Variants in GAB3 observed in about 807,000 individuals in gnomAD.
GAB3 encodes GRB2-associated-binding protein 3.
A neutral mutation model predicts 40.4 loss-of-function variants in GAB3; 12 were observed. The observed-to-expected ratio is 0.30, with a 90% confidence interval of 0.19 to 0.48. The LOEUF (loss-of-function observed/expected upper bound fraction) is 0.48, where lower values mean the gene tolerates loss of function less well. GAB3 is among the 20% of genes least tolerant of loss of function. The pLI, the probability that GAB3 is intolerant of heterozygous loss-of-function variation, is 0.99. For missense variants in GAB3, 381 were observed against 461.9 expected (o/e 0.82, Z 1.61); for synonymous variants, 154 against 176.7 (o/e 0.87, Z 1.02).
At chrX:154,740,116 T>A (rs1352382552) in intron 1 of GAB3, among the ~76,000 whole-genome samples, 1 of 112,443 alleles carries the variant, frequency 8.9e-6, no homozygotes, top group Non-Finnish European at 1.9e-5. Flanking sequence ...ATTCAACTTC[T>A]AAGAGTTTTT....
At chrX:154,743,850 C>A (rs1217474081) in intron 1 of GAB3, among the ~76,000 whole-genome samples, 3 of 111,359 alleles carry the variant, frequency 2.7e-5, no homozygotes, top group Non-Finnish European at 5.7e-5. Flanking sequence ...TAACAGCTAG[C>A]AAGATGGTGT....
intron 1 of GAB3, among the ~76,000 whole-genome samples, chrX:154,725,296 C>T (rs182122444): frequency 2.6e-4 from 29 of 111,905 alleles, no homozygotes; most frequent in Admixed American, 2.3e-3. Flanking sequence ...CTTTATTATG[C>T]ATCTGAATCA....
chrX:154,726,574 A>C (rs1384900669), intron 1 of GAB3, among the ~76,000 whole-genome samples: 1 of 112,101 alleles, frequency 8.9e-6, no homozygotes, highest in Non-Finnish European at 1.9e-5. Context: ...ATGATGGTTT[A>C]CAAAATTATG....
chrX:154,695,142 C>T (rs1297868824), intron 8 of GAB3, among the ~76,000 whole-genome samples: 1 of 111,607 alleles, frequency 9.0e-6, no homozygotes, highest in East Asian at 2.8e-4. Flanking sequence ...TTCAAAATTT[C>T]GTAGTTCAAA....
chrX:154,687,088 T>A (rs1359834547), intron 8 of GAB3, among the ~76,000 whole-genome samples: 2 of 108,208 alleles, frequency 1.8e-5, no homozygotes, highest in Non-Finnish European at 3.8e-5. Flanking sequence ...GCTACTTGGG[T>A]GGCTAAGACA....
At chrX:154,710,354 TTATATTCCCAAAGGCAGGAGG>T (rs2070918652) in intron 4 of GAB3, among the ~76,000 whole-genome samples, 1 of 111,490 alleles carries the variant, frequency 9.0e-6, no homozygotes, top group Non-Finnish European at 1.9e-5. Context: ...AGAATAGCCA[TTATATTCCCAAAGGCAGGAGG>T]ACTTGTCCTA....
intron 8 of GAB3, among the ~76,000 whole-genome samples, chrX:154,681,452 G>T (rs1225816680): frequency 9.3e-6 from 1 of 107,267 alleles, no homozygotes; most frequent in African/African-American, 3.4e-5. Context: ...TTTTTGCCTT[G>T]TTTCTGGTTA....
chrX:154,698,511 C>A (rs1333213741), intron 6 of GAB3, among the ~76,000 whole-genome samples: 2 of 111,964 alleles, frequency 1.8e-5, no homozygotes, highest in Non-Finnish European at 3.8e-5. Context: ...CCTGAAGTGA[C>A]TTTTTTTGCT....
chrX:154,678,172 C>T lies in GAB3; in HGVS notation c.*6G>A. 9.6e-7 allele frequency: 1 copy of T among 1,046,714 alleles called. No homozygotes were observed. The highest frequency in any genetic ancestry group is 1.3e-6 in the Non-Finnish European group (1 of 751,245). The allele number at this position is 1,046,714 out of a possible 1,213,427, so 86.3% of individuals were successfully genotyped here. Reference sequence around the variant, plus strand: ...CTGTTTCACACATGGCACAAGCCCGCACCTCTCATACTTTGGATTGCCTTT... The same window carrying T: ...CTGTTTCACACATGGCACAAGCCCGTACCTCTCATACTTTGGATTGCCTTT... On this transcript the variant is annotated 3_prime_UTR_variant, in exon 10 of 10. Transcript: ENST00000424127.
At chrX:154,719,332 G>T (rs782647508) in intron 1 of GAB3, among the ~76,000 whole-genome samples, 2 of 112,298 alleles carry the variant, frequency 1.8e-5, no homozygotes, top group East Asian at 5.6e-4. Context: ...ATAAACAGAC[G>T]ATTGCAATCA....
intron 2 of GAB3, among the ~76,000 whole-genome samples, chrX:154,715,281 T>C (rs2071027707): frequency 8.9e-6 from 1 of 112,011 alleles, no homozygotes; most frequent in Non-Finnish European, 1.9e-5. Flanking sequence ...TCTCATATTT[T>C]GAGGAATAGG....
intron 8 of GAB3, among the ~76,000 whole-genome samples, chrX:154,695,545 A>G (rs1414572191): frequency 8.9e-6 from 1 of 112,052 alleles, no homozygotes; most frequent in Non-Finnish European, 1.9e-5. Context: ...ACCATGTAAT[A>G]TGTTGAGTTT....
intron 1 of GAB3, 74 bp downstream of exon 1, chrX:154,750,880 G>A: frequency 5.9e-6 from 4 of 674,104 alleles, no homozygotes; most frequent in Non-Finnish European, 7.1e-6. Flanking sequence ...GGAGCCCAGC[G>A]GCTCCCCGCG....
intron 4 of GAB3, among the ~76,000 whole-genome samples, chrX:154,700,898 G>C (rs181100188): frequency 9.0e-6 from 1 of 111,050 alleles, no homozygotes; most frequent in East Asian, 2.8e-4. Context: ...CTTAAAATTC[G>C]ACAACATCTT....
In GAB3 at chrX:154,712,589, G is replaced by A. The variant is rs782586548; in HGVS notation, c.709C>T (p.His237Tyr). ...GCTCCACTGCCATGGCATGAGGGGTGGACCAAATGACTGGAGGGGAGCGGC... is the reference window on the plus strand; with the variant it reads ...GCTCCACTGCCATGGCATGAGGGGTAGACCAAATGACTGGAGGGGAGCGGC... ...LQPLPSSHLV[H>Y]PSCHGSGAQE... Residue 237 changes from histidine to tyrosine, a missense_variant, in exon 4 of 10, where the codon CAC (histidine) becomes TAC (tyrosine). Coordinates refer to ENST00000424127, the MANE Select transcript of GAB3 (RefSeq NM_001081573.3). 4.4e-6 allele frequency: 5 copies of A among 1,145,622 alleles called. No individual in the cohort carries two copies. The Admixed American group carries it at 8.6e-5, about 20-fold the overall frequency. The allele number at this position is 1,145,622 out of a possible 1,213,427, so 94.4% of individuals were successfully genotyped here.
intron 1 of GAB3, among the ~76,000 whole-genome samples, chrX:154,743,199 AAAAAC>A (rs1189244380): frequency 3.6e-5 from 4 of 110,504 alleles, no homozygotes; most frequent in Non-Finnish European, 5.7e-5. Context: ...TGCTGAAAAG[AAAAAC>A]AAAACAAAAC....
chrX:154,710,557 T>C (rs2070926311), intron 4 of GAB3, among the ~76,000 whole-genome samples: 1 of 111,654 alleles, frequency 9.0e-6, no homozygotes, highest in African/African-American at 3.3e-5. Flanking sequence ...AGGACAGCCT[T>C]GCAGGGTCAT....
rs150729618 is a variant in GAB3 at position 154,678,398 on chromosome X, C to G, written c.1648-104G>C. ...TGTTAAATATTTGTTGCCCTTTCCT[C>G]TGTGTGGAAACTTTGTACTTTGTAT... On this transcript the variant is annotated intron_variant, in intron 9 of 9. Transcript: ENST00000424127. The G allele has an allele frequency of 6.5e-4, 327 of 506,909 alleles. No individual in the cohort carries two copies. The African/African-American group carries it at 6.9e-3, about 11-fold the overall frequency. 41.8% of individuals were successfully genotyped at this position (506,909 alleles called of 1,213,427 possible).
chrX:154,746,042 A>C (rs1386461480), intron 1 of GAB3, among the ~76,000 whole-genome samples: 1 of 102,842 alleles, frequency 9.7e-6, no homozygotes, highest in African/African-American at 3.6e-5. Flanking sequence ...ACAAGAGTGA[A>C]ACTCCATCTC....
Sources: allele counts gnomAD v4.1 joint callset (sites outside exome capture counted in the v4.1 genomes callset), GRCh38; gene constraint gnomAD v4.1.1; transcripts MANE v1.5; gene names NCBI Gene and HGNC (gene_info 2026-07-23, HGNC 2026-07-21).